ARHGAP25: variants seen among roughly 807,000 people sequenced by gnomAD.
ARHGAP25 encodes rho GTPase-activating protein 25.
In ARHGAP25, 34 loss-of-function variants were observed where a neutral mutation model predicts 71.0. The observed-to-expected ratio is 0.48, with a 90% CI of 0.36 to 0.64. The LOEUF is 0.64. Among genes scored for constraint, ARHGAP25 ranks in the 30% least tolerant of loss-of-function variants. ARHGAP25 has a pLI of 0.00. For synonymous variants in ARHGAP25, 282 were observed against 296.5 expected, an observed-to-expected ratio of 0.95 and a Z score of 0.50; for missense variants, 706 against 805.1, an observed-to-expected ratio of 0.88 and a Z score of 1.49.
At chr2:68,723,687 TG>T (rs924949698) in intron 2 of ARHGAP25, among the ~76,000 whole-genome samples, 15 of 152,214 alleles carry the variant, frequency 9.9e-5, no homozygotes, top group African/African-American at 3.6e-4. Flanking sequence ...GTGATGGCCC[TG>T]GTGTTTTCTC....
Position 68,819,103 on chromosome 2 carries a change from C to G in ARHGAP25, c.1004-20C>G, listed in dbSNP as rs750227054. The G allele has an allele frequency of 2.6e-6, 4 of 1,526,826 alleles. No homozygotes were observed. In the Admixed American group the frequency reaches 8.6e-5, roughly 33 times the overall value. 94.6% of individuals were successfully genotyped at this position (1,526,826 alleles called of 1,614,324 possible). ...CTGCCTCCTACACTACACAACAGAT[C>G]TTTTTCTTCTGTCTTTCAGGGACTC... On this transcript the variant is annotated intron_variant, in intron 8 of 10. Coordinates refer to ENST00000409202, the MANE Select transcript of ARHGAP25 (RefSeq NM_001007231.3).
chr2:68,739,205 C>T (rs1675387346), intron 1 of ARHGAP25, among the ~76,000 whole-genome samples: 1 of 152,198 alleles, frequency 6.6e-6, no homozygotes, highest in Admixed American at 6.5e-5. Flanking sequence ...ATGAGGTCAG[C>T]TTAGATTCTG....
intron 10 of ARHGAP25, among the ~76,000 whole-genome samples, chr2:68,825,730 G>A (rs777595450): frequency 3.3e-5 from 5 of 151,978 alleles, no homozygotes; most frequent in African/African-American, 1.2e-4. Flanking sequence ...AGCCGAGATC[G>A]CGTCACTGCA....
intron 9 of ARHGAP25, chr2:68,819,642 A>G (rs1250044845): frequency 3.8e-5 from 21 of 559,532 alleles, no homozygotes; most frequent in Non-Finnish European, 5.7e-5. Flanking sequence ...TGTATACAAC[A>G]TTGTAAATGT....
At chr2:68,732,418 C>T (rs1233206702), upstream of ARHGAP25, among the ~76,000 whole-genome samples, 1 of 152,192 alleles carries the variant, frequency 6.6e-6, no homozygotes, top group Non-Finnish European at 1.5e-5. Flanking sequence ...CGAATTCCCC[C>T]GTGGAGATGC....
In ARHGAP25 at chr2:68,824,525, G is replaced by A. The variant is rs113882825; in HGVS notation, c.1734-1462G>A. On this transcript the variant is annotated intron_variant, in intron 10 of 10. Coordinates refer to ENST00000409202, the MANE Select transcript of ARHGAP25 (RefSeq NM_001007231.3). Reference sequence around the variant, plus strand: ...TGGGAGGCCAAGGTGGGTGAATCACGAGGTCAGGAGATCGAGACCATCCTG... The same window carrying A: ...TGGGAGGCCAAGGTGGGTGAATCACAAGGTCAGGAGATCGAGACCATCCTG... 8.3e-3 allele frequency among the ~76,000 whole-genome samples: 1,257 copies of A among 152,302 alleles called. 9 individuals carry two copies. Among genetic ancestry groups the A allele is most frequent in the Admixed American group, 0.013 (200 of 15,296 alleles).
intron 4 of ARHGAP25, among the ~76,000 whole-genome samples, chr2:68,791,399 A>C (rs1247585846): frequency 6.6e-6 from 1 of 152,166 alleles, no homozygotes; most frequent in Non-Finnish European, 1.5e-5. Flanking sequence ...CACTATGTTC[A>C]GCTCCCTCAG....
intron 10 of ARHGAP25, 36 bp downstream of exon 10, chr2:68,822,908 C>T (rs780963566): frequency 6.4e-7 from 1 of 1,554,158 alleles, no homozygotes. Context: ...AGGCACTTGG[C>T]TTCCATCTTT....
intron 3 of ARHGAP25, among the ~76,000 whole-genome samples, chr2:68,785,567 C>T (rs1428585691): frequency 6.6e-6 from 1 of 151,222 alleles, no homozygotes; most frequent in Non-Finnish European, 1.5e-5. Flanking sequence ...GTAAGGGCAT[C>T]AGTTTTGGAC....
At chr2:68,774,044 G>A (rs1055450047) in intron 1 of ARHGAP25, among the ~76,000 whole-genome samples, 1 of 152,298 alleles carries the variant, frequency 6.6e-6, no homozygotes, top group East Asian at 1.9e-4. Context: ...TGGGTCGGGA[G>A]CAGAGTTGAT....
chr2:68,817,115 T>A (rs1681289008), intron 7 of ARHGAP25, among the ~76,000 whole-genome samples: 1 of 152,226 alleles, frequency 6.6e-6, no homozygotes, highest in African/African-American at 2.4e-5. Flanking sequence ...GTGTCCTTTT[T>A]TTTGGTTTAA....
rs1677800515 is a variant in ARHGAP25 at position 68,775,251 on chromosome 2, AGATGGCTG to A, written c.93_100del (p.Gln31HisfsTer48). The stretch of plus-strand genomic sequence containing the variant: ...TCAAGGAGTGTGATGACTGGCGAGC[AGATGGCTG>A]CCTTCCATCCATCGTCCACCCCCAA... On this transcript the variant is annotated frameshift_variant, in exon 2 of 11. Transcript: ENST00000409202. LOFTEE classifies it high-confidence loss of function. 6.2e-7 allele frequency: 1 copy of A among 1,614,168 alleles called. No homozygotes were observed. The highest frequency in any genetic ancestry group is 1.3e-5 in the African/African-American group (1 of 74,954).
intron 1 of ARHGAP25, among the ~76,000 whole-genome samples, chr2:68,772,933 C>G (rs138643870): frequency 1.8e-3 from 275 of 152,366 alleles, no homozygotes; most frequent in African/African-American, 6.2e-3. Flanking sequence ...TTTTCTACAT[C>G]TGAGCATAAG....
At chr2:68,741,310 CTA>C (rs557573026) in intron 1 of ARHGAP25, among the ~76,000 whole-genome samples, 8 of 152,200 alleles carry the variant, frequency 5.3e-5, no homozygotes, top group Non-Finnish European at 7.3e-5. Flanking sequence ...ATGTATAACT[CTA>C]TGTGAGAAAG....
At chr2:68,790,643 C>G (rs1425101407) in intron 4 of ARHGAP25, among the ~76,000 whole-genome samples, 3 of 152,174 alleles carry the variant, frequency 2.0e-5, no homozygotes, top group Non-Finnish European at 4.4e-5. Flanking sequence ...AGCCTGCCCC[C>G]TTCCCACCAC....
At chr2:68,775,894 A>G (rs1162704369) in intron 2 of ARHGAP25, 6 of 329,542 alleles carry the variant, frequency 1.8e-5, no homozygotes, top group African/African-American at 4.3e-5. Context: ...GAAAAGACAC[A>G]TAAACATAAC....
At chr2:68,736,924 C>G (rs368813507) in intron 1 of ARHGAP25, among the ~76,000 whole-genome samples, 1 of 152,088 alleles carries the variant, frequency 6.6e-6, no homozygotes, top group African/African-American at 2.4e-5. Context: ...CCCCAGCAGA[C>G]AGTTTTCACC....
At chr2:68,776,902 G>A (rs948418589) in intron 2 of ARHGAP25, among the ~76,000 whole-genome samples, 7 of 152,072 alleles carry the variant, frequency 4.6e-5, no homozygotes, top group African/African-American at 7.2e-5. Flanking sequence ...TTTGGAAGAG[G>A]ACTGTTTTCT....
At chr2:68,804,475 C>G (rs1680222644) in intron 4 of ARHGAP25, among the ~76,000 whole-genome samples, 1 of 152,184 alleles carries the variant, frequency 6.6e-6, no homozygotes, top group Non-Finnish European at 1.5e-5. Flanking sequence ...AAAGATCTGT[C>G]CAGCTCCTTT....
Sources: gnomAD v4.1 joint callset for allele counts (sites outside exome capture counted in the v4.1 genomes callset) on GRCh38, gnomAD v4.1.1 for gene constraint, MANE v1.5 for transcripts, NCBI Gene and HGNC (gene_info 2026-07-23, HGNC 2026-07-21) for gene names.